The following AK7 variants were observed in gnomAD, a reference collection of about 807,000 sequenced individuals.
AK7 encodes the protein ATP-AMP transphosphorylase 7.
A neutral mutation model predicts 96.6 loss-of-function variants in AK7; 78 were observed. That is an observed-to-expected ratio of 0.81 (90% CI 0.67 to 0.97). The LOEUF is 0.97. Among genes scored for constraint, AK7 ranks in the 50% least tolerant of loss-of-function variants. The pLI, the probability that AK7 is intolerant of heterozygous loss-of-function variation, is 0.00. For synonymous variants in AK7, 302 were observed against 317.2 expected (o/e 0.95, Z 0.51); for missense variants, 855 against 887.9 (o/e 0.96, Z 0.47).
chr14:96,424,047 A>T (rs542599198), intron 5 of AK7: 29 of 736,132 alleles, frequency 3.9e-5, no homozygotes, highest in Middle Eastern at 3.9e-4. Flanking sequence ...CTAAATCAAG[A>T]CCATCCCACG....
intron 12 of AK7, among the ~76,000 whole-genome samples, chr14:96,468,945 C>T (rs1174370733): frequency 6.6e-6 from 1 of 152,122 alleles, no homozygotes; most frequent in East Asian, 1.9e-4. Context: ...TGAACCCTGG[C>T]CAAAGGTCAT....
intron 4 of AK7, among the ~76,000 whole-genome samples, chr14:96,409,767 T>C (rs1890930048): frequency 6.6e-6 from 1 of 152,244 alleles, no homozygotes; most frequent in Non-Finnish European, 1.5e-5. Context: ...TCTTCCAACA[T>C]TCTCTTGACT....
intron 4 of AK7, among the ~76,000 whole-genome samples, chr14:96,419,776 T>C (rs1566771581): frequency 2.9e-5 from 4 of 139,754 alleles, no homozygotes. Context: ...AAGCATTTTT[T>C]TTTCTTTCTT....
chr14:96,411,024 A>T (rs1181647989), intron 4 of AK7, among the ~76,000 whole-genome samples: 1 of 152,026 alleles, frequency 6.6e-6, no homozygotes, highest in Non-Finnish European at 1.5e-5. Context: ...AATTTACTGT[A>T]TTGTATACGG....
chr14:96,437,934 A>G lies in AK7; in HGVS notation c.690+19A>G. 6.2e-7 allele frequency: 1 copy of G among 1,604,384 alleles called. No individual in the cohort carries two copies. Among genetic ancestry groups the G allele is most frequent in the Non-Finnish European group, 8.5e-7 (1 of 1,172,094 alleles). On this transcript the variant is annotated intron_variant, in intron 6 of 17. Transcript: ENST00000267584. ...TTTTAAGGTATGGCTTTCAATGATG[A>G]CGTGGAATGTTTAAAAGTGTCTTAC... is the stretch of plus-strand genomic sequence containing the variant.
intron 12 of AK7, among the ~76,000 whole-genome samples, chr14:96,463,966 TC>T (rs1436507825): frequency 1.3e-5 from 2 of 152,076 alleles, no homozygotes; most frequent in Non-Finnish European, 2.9e-5. Flanking sequence ...GAGAATTTGA[TC>T]CTGGTGCAAT....
chr14:96,398,131 A>G lies in AK7; in HGVS notation c.162A>G (p.Glu54=), dbSNP rs1158098965. The change falls in exon 2 of 18, where the codon GAA becomes GAG. Residue 54 remains glutamate (E), a synonymous_variant. Transcript: ENST00000267584. ...TTGAAGAAATTACAGAGGAAGAGGA[A>G]GAGGAAGATGAAAATAAGTCAGCTA... ...ASLEEITEEE[E]EEDENKSAML... 6.2e-7 allele frequency: 1 copy of G among 1,614,096 alleles called. No individual in the cohort carries two copies. Among genetic ancestry groups the G allele is most frequent in the East Asian group, 2.2e-5 (1 of 44,886 alleles).
At chr14:96,402,194 C>T (rs1323619531) in intron 2 of AK7, among the ~76,000 whole-genome samples, 2 of 151,340 alleles carry the variant, frequency 1.3e-5, no homozygotes, top group African/African-American at 4.9e-5. Flanking sequence ...TGCACACACA[C>T]ACACACACAC....
chr14:96,430,286 T>C (rs1287988212), intron 5 of AK7, among the ~76,000 whole-genome samples: 1 of 150,740 alleles, frequency 6.6e-6, no homozygotes, highest in African/African-American at 2.4e-5. Context: ...CCTGGGTTCA[T>C]GCCATTCTCC....
intron 5 of AK7, among the ~76,000 whole-genome samples, chr14:96,422,239 A>G (rs1891745461): frequency 6.6e-6 from 1 of 152,238 alleles, no homozygotes; most frequent in Non-Finnish European, 1.5e-5. Context: ...AGAATTTACA[A>G]TATAGTGTGT....
At chr14:96,425,011 G>A (rs558662347) in intron 5 of AK7, among the ~76,000 whole-genome samples, 2 of 151,966 alleles carry the variant, frequency 1.3e-5, no homozygotes, top group South Asian at 2.1e-4. Context: ...TCAAAATTTC[G>A]TTGTAAAAAT....
chr14:96,429,037 C>G (rs1780073593), intron 5 of AK7, among the ~76,000 whole-genome samples: 2 of 152,134 alleles, frequency 1.3e-5, no homozygotes, highest in South Asian at 4.1e-4. Flanking sequence ...AAGTCCTTGC[C>G]CATGCCTCTG....
At chr14:96,453,039 T>A (rs138036266) in intron 10 of AK7, among the ~76,000 whole-genome samples, 2 of 152,260 alleles carry the variant, frequency 1.3e-5, no homozygotes, top group Admixed American at 6.5e-5. Context: ...ACCATAATTA[T>A]CACTGTTGGA....
chr14:96,482,312 C>CA (rs1227081745), intron 15 of AK7, among the ~76,000 whole-genome samples: 3 of 152,174 alleles, frequency 2.0e-5, no homozygotes, highest in African/African-American at 7.2e-5. Context: ...GTGGGGTAAG[C>CA]AGCTACCCAG....
In AK7 at chr14:96,451,495, A is replaced by G. The variant is rs1456555423; in HGVS notation, c.1023A>G (p.Arg341=). The G allele has an allele frequency of 1.2e-6, 2 of 1,604,480 alleles. No homozygotes were observed. Among genetic ancestry groups the G allele is most frequent in the East Asian group, 4.5e-5 (2 of 44,518 alleles). The change falls in exon 10 of 18, where the codon CGA becomes CGG. Residue 341 remains arginine, a synonymous_variant. Transcript: ENST00000267584. ...TTGTGAAGGAGAATTTTAATATTCG[A>G]TGGGCTGCCCAAACAGGATTTGTGG... ...ALFVKENFNI[R]WAAQTGFVEN...
chr14:96,480,279 C>T (rs1442742763), intron 15 of AK7, among the ~76,000 whole-genome samples: 1 of 151,862 alleles, frequency 6.6e-6, no homozygotes, highest in Admixed American at 6.6e-5. Context: ...TAAAAATACA[C>T]AAATTAGCTG....
At chr14:96,447,462 G>T (rs1893309864) in intron 8 of AK7, among the ~76,000 whole-genome samples, 1 of 151,904 alleles carries the variant, frequency 6.6e-6, no homozygotes, top group South Asian at 2.1e-4. Flanking sequence ...ACACAGGCGT[G>T]CACCACCGTA....
At chr14:96,460,241 A>T (rs1439852881) in intron 12 of AK7, among the ~76,000 whole-genome samples, 1 of 152,194 alleles carries the variant, frequency 6.6e-6, no homozygotes, top group Non-Finnish European at 1.5e-5. Context: ...AAATAAAGCC[A>T]TTTCATCATG....
intron 6 of AK7, among the ~76,000 whole-genome samples, chr14:96,441,564 G>C (rs570901847): frequency 1.3e-5 from 2 of 150,992 alleles, no homozygotes; most frequent in East Asian, 3.9e-4. Flanking sequence ...ACTTAAACCT[G>C]GGAGGCAGAG....
Sources: allele counts gnomAD v4.1 joint callset (sites outside exome capture counted in the v4.1 genomes callset), GRCh38; gene constraint gnomAD v4.1.1; transcripts MANE v1.5; gene names NCBI Gene and HGNC (gene_info 2026-07-23, HGNC 2026-07-21).